The following PTH2R variants were observed in gnomAD, a reference collection of about 807,000 sequenced individuals.
The protein encoded by PTH2R is PTH2 receptor.
PTH2R carries 59 observed loss-of-function variants against 60.3 expected under a neutral mutation model. The ratio of observed to expected loss-of-function variants is 0.98; its 90% CI spans 0.79 to 1.22. PTH2R has a LOEUF of 1.22. Among genes scored for constraint, PTH2R ranks in the 50% most tolerant of loss-of-function variants. The pLI is 0.00. For missense variants in PTH2R, 749 were observed against 682.6 expected (o/e 1.10, Z -1.08); for synonymous variants, 256 against 243.8 (o/e 1.05, Z -0.47).
chr2:208,416,828 G>T (rs551607202), intron 1 of PTH2R, among the ~76,000 whole-genome samples: 1 of 152,254 alleles, frequency 6.6e-6, no homozygotes, highest in East Asian at 1.9e-4. Flanking sequence ...TCCCGTGCTG[G>T]TTGCTTCCTG....
At chr2:208,430,173 T>A (rs971431302) in intron 2 of PTH2R, among the ~76,000 whole-genome samples, 2 of 152,192 alleles carry the variant, frequency 1.3e-5, no homozygotes, top group African/African-American at 4.8e-5. Context: ...AAGTTTATCA[T>A]TCTCTTCCTT....
At chr2:208,448,328 T>C (rs1411835438) in intron 7 of PTH2R, among the ~76,000 whole-genome samples, 1 of 152,198 alleles carries the variant, frequency 6.6e-6, no homozygotes, top group Non-Finnish European at 1.5e-5. Context: ...TTTGTAGTTA[T>C]TTTAAAGTTA....
At chr2:208,412,819 G>T (rs1208008186) in intron 1 of PTH2R, among the ~76,000 whole-genome samples, 1 of 152,110 alleles carries the variant, frequency 6.6e-6, no homozygotes, top group Non-Finnish European at 1.5e-5. Context: ...ATATAACAGG[G>T]ATCAAAAGCA....
intron 1 of PTH2R, among the ~76,000 whole-genome samples, chr2:208,386,968 A>G (rs1701014679): frequency 6.6e-6 from 1 of 152,224 alleles, no homozygotes; most frequent in African/African-American, 2.4e-5. Flanking sequence ...TATTTTGTAT[A>G]TGAAAGATCA....
intron 9 of PTH2R, among the ~76,000 whole-genome samples, chr2:208,467,398 C>T (rs1039348520): frequency 6.6e-6 from 1 of 152,110 alleles, no homozygotes; most frequent in Non-Finnish European, 1.5e-5. Flanking sequence ...TATTAAGTTA[C>T]TCAACCAGAA....
At chr2:208,388,141 C>T (rs1291703226) in intron 1 of PTH2R, among the ~76,000 whole-genome samples, 1 of 150,314 alleles carries the variant, frequency 6.7e-6, no homozygotes, top group Non-Finnish European at 1.5e-5. Flanking sequence ...AACCCCCCCC[C>T]CCGTCTCTAC....
chr2:208,392,891 C>T (rs1701132268), intron 1 of PTH2R, among the ~76,000 whole-genome samples: 1 of 152,196 alleles, frequency 6.6e-6, no homozygotes, highest in South Asian at 2.1e-4. Flanking sequence ...TGGACCATCT[C>T]TGAGACTGGT....
chr2:208,485,648 T>G (rs1429470702), intron 10 of PTH2R, among the ~76,000 whole-genome samples: 1 of 152,178 alleles, frequency 6.6e-6, no homozygotes, highest in East Asian at 1.9e-4. Flanking sequence ...ACAGAATTTG[T>G]ATTTCTATGG....
chr2:208,485,344 C>A (rs1703247636), intron 10 of PTH2R, among the ~76,000 whole-genome samples: 1 of 152,118 alleles, frequency 6.6e-6, no homozygotes, highest in Admixed American at 6.6e-5. Flanking sequence ...CAGACCACAC[C>A]ATGTTTCCAG....
chr2:208,402,414 T>C (rs1223106378), upstream of PTH2R, among the ~76,000 whole-genome samples: 1 of 152,250 alleles, frequency 6.6e-6, no homozygotes, highest in African/African-American at 2.4e-5. Flanking sequence ...TTTTTATCAA[T>C]ATTTACTTTT....
chr2:208,420,837 G>A (rs549925198), intron 1 of PTH2R, among the ~76,000 whole-genome samples: 1 of 152,286 alleles, frequency 6.6e-6, no homozygotes, highest in South Asian at 2.1e-4. Context: ...TTTAGTTTAT[G>A]CAGTTTTATC....
chr2:208,463,640 C>A (rs916664561), intron 9 of PTH2R, among the ~76,000 whole-genome samples: 4 of 152,200 alleles, frequency 2.6e-5, no homozygotes, highest in African/African-American at 9.6e-5. Context: ...TAGCTATTAT[C>A]ATTTTTACTT....
chr2:208,397,730 C>T (rs1701238548), intron 1 of PTH2R, among the ~76,000 whole-genome samples: 1 of 152,170 alleles, frequency 6.6e-6, no homozygotes, highest in Admixed American at 6.5e-5. Context: ...AAAACTGGCC[C>T]TCCCACCCTA....
intron 8 of PTH2R, among the ~76,000 whole-genome samples, chr2:208,458,649 T>C (rs902427430): frequency 6.6e-6 from 1 of 152,166 alleles, no homozygotes; most frequent in Admixed American, 6.5e-5. Flanking sequence ...CTTCTTTGTC[T>C]TCACAAATTC....
intron 2 of PTH2R, among the ~76,000 whole-genome samples, chr2:208,429,519 TA>T (rs1482722455): frequency 6.6e-5 from 10 of 152,186 alleles, no homozygotes; most frequent in Non-Finnish European, 4.4e-5. Flanking sequence ...ATGTACAATT[TA>T]AAATTACTAT....
chr2:208,471,368 G>C (rs887763214), intron 9 of PTH2R, among the ~76,000 whole-genome samples: 4 of 152,182 alleles, frequency 2.6e-5, no homozygotes, highest in African/African-American at 9.7e-5. Flanking sequence ...GTGGTTTTGT[G>C]GGCTAGGCCC....
At chr2:208,424,293 C>T (rs1286683353) in intron 1 of PTH2R, among the ~76,000 whole-genome samples, 4 of 152,102 alleles carry the variant, frequency 2.6e-5, no homozygotes, top group Non-Finnish European at 4.4e-5. Flanking sequence ...TGCAGGGGTC[C>T]CTTGTCATTT....
chr2:208,429,303 A>G (rs1368936472), intron 2 of PTH2R, among the ~76,000 whole-genome samples: 1 of 152,098 alleles, frequency 6.6e-6, no homozygotes, highest in Non-Finnish European at 1.5e-5. Context: ...TGAGATATAT[A>G]TATCTTAAAA....
chr2:208,462,411 G>T (rs1378745794), intron 9 of PTH2R, among the ~76,000 whole-genome samples: 2 of 152,166 alleles, frequency 1.3e-5, no homozygotes, highest in African/African-American at 4.8e-5. Flanking sequence ...CTAGGAGAGA[G>T]ATTTGGCCCT....
Sources: gnomAD v4.1 joint callset for allele counts (sites outside exome capture counted in the v4.1 genomes callset) on GRCh38, gnomAD v4.1.1 for gene constraint, MANE v1.5 for transcripts, NCBI Gene and HGNC (gene_info 2026-07-23, HGNC 2026-07-21) for gene names.